NBEAL1: variants seen among roughly 807,000 people sequenced by gnomAD.
NBEAL1 encodes neurobeachin like 1, also known as neurobeachin-like protein 1.
A neutral mutation model predicts 351.3 loss-of-function variants in NBEAL1; 273 were observed. That is an observed-to-expected ratio of 0.78 (90% CI 0.70 to 0.86). NBEAL1 has a LOEUF of 0.86. NBEAL1 is among the 40% of genes least tolerant of loss of function. The pLI, the probability that NBEAL1 is intolerant of heterozygous loss-of-function variation, is 0.00. For missense variants in NBEAL1, 2,961 were observed against 3,201.3 expected (o/e 0.92, Z 1.81); for synonymous variants, 1,050 against 1,086.4 (o/e 0.97, Z 0.66).
intron 7 of NBEAL1, 22 bp from the exon 8 acceptor site, chr2:203,077,718 CTTATTTATTTAT>C (rs746378979): frequency 1.8e-6 from 2 of 1,139,798 alleles, no homozygotes; most frequent in African/African-American, 1.6e-5. Context: ...AAAGACAAAT[CTTATTTATTTAT>C]TTATTTATTT....
intron 6 of NBEAL1, among the ~76,000 whole-genome samples, chr2:203,066,248 A>G (rs569930768): frequency 6.6e-6 from 1 of 152,242 alleles, no homozygotes; most frequent in South Asian, 2.1e-4. Context: ...TATTAATACC[A>G]TAATTTTTAA....
chr2:203,178,294 A>T (rs2064586214), intron 42 of NBEAL1, among the ~76,000 whole-genome samples: 1 of 151,348 alleles, frequency 6.6e-6, no homozygotes, highest in Non-Finnish European at 1.5e-5. Context: ...CCTCCAAAGT[A>T]GCTGGGATTC....
At chr2:203,127,602 A>T (rs1478194180) in intron 23 of NBEAL1, among the ~76,000 whole-genome samples, 179 bp from the exon 24 acceptor site, 2 of 152,066 alleles carry the variant, frequency 1.3e-5, no homozygotes, top group African/African-American at 4.8e-5. Flanking sequence ...TGTGCCTGTA[A>T]TCCCAGCTAC....
intron 52 of NBEAL1, among the ~76,000 whole-genome samples, 196 bp downstream of exon 52, chr2:203,208,949 T>C (rs1266432780): frequency 6.6e-6 from 1 of 152,190 alleles, no homozygotes; most frequent in Non-Finnish European, 1.5e-5. Context: ...TTTTATTCGT[T>C]TTATTATTTA....
At position 203,213,434 on chromosome 2, in the gene NBEAL1, A is replaced by G. The variant is rs557874788; in HGVS notation, c.7935-84A>G. ...AATTAGAATGCAGAACTAGATGAGC[A>G]TTAATTTATTTTCCAGATATAAAAT... is the stretch of plus-strand genomic sequence containing the variant. On this transcript the variant is annotated intron_variant, in intron 54 of 55. Transcript: ENST00000683969. The G allele has an allele frequency of 1.0e-4, 127 of 1,267,984 alleles. No homozygotes were observed. The African/African-American group carries it at 1.7e-3, about 17-fold the overall frequency. The allele number at this position is 1,267,984 out of a possible 1,614,324, so 78.5% of individuals were successfully genotyped here.
intron 33 of NBEAL1, among the ~76,000 whole-genome samples, chr2:203,146,824 A>C (rs1340590740): frequency 1.3e-5 from 2 of 152,184 alleles, no homozygotes; most frequent in Non-Finnish European, 2.9e-5. Context: ...ATAATAATAT[A>C]TGACACAACA....
rs976341158 is a variant in NBEAL1, at chr2:203,211,035, T to C, written c.7863T>C (p.Asp2621=). Residue 2621 remains aspartate (D), a synonymous_variant, in exon 54 of 56, where the codon GAT becomes GAC. Transcript: ENST00000683969. Reference sequence around the variant, plus strand: ...AAATCCTGAAGGAACAAGTATCAGATATATGTATAATCGGAGAACACATTG... The same window carrying C: ...AAATCCTGAAGGAACAAGTATCAGACATATGTATAATCGGAGAACACATTG... The part of the protein sequence containing the change: ...GSQILKEQVS[D]ICIIGEHIVT... 6.2e-7 allele frequency: 1 copy of C among 1,607,674 alleles called. No individual in the cohort carries two copies. The highest frequency in any genetic ancestry group is 1.3e-5 in the African/African-American group (1 of 74,818).
intron 46 of NBEAL1, among the ~76,000 whole-genome samples, chr2:203,192,814 T>C (rs1361186821): frequency 6.6e-6 from 1 of 152,186 alleles, no homozygotes; most frequent in East Asian, 1.9e-4. Context: ...CTTTGAAATG[T>C]TCATTTTACT....
At chr2:203,038,740 C>T (rs1044855387) in intron 2 of NBEAL1, among the ~76,000 whole-genome samples, 6 of 148,882 alleles carry the variant, frequency 4.0e-5, no homozygotes, top group Non-Finnish European at 9.0e-5. Flanking sequence ...CTCAGTGGCA[C>T]GATCACAGCT....
At position 203,127,812 on chromosome 2, in the gene NBEAL1, GA is replaced by G; in HGVS notation, c.3281del (p.Asp1094ValfsTer6). 6.6e-7 allele frequency: 1 copy of G among 1,518,622 alleles called. No homozygotes were observed. 94.1% of individuals were successfully genotyped at this position (1,518,622 alleles called of 1,614,324 possible). On this transcript the variant is annotated frameshift_variant, in exon 24 of 56. Coordinates refer to ENST00000683969, the MANE Select transcript of NBEAL1 (RefSeq NM_001378026.1). LOFTEE classifies it high-confidence loss of function. Reference sequence around the variant, plus strand: ...TTGTAAATATAATGAACTATCTCTAGATGATATTCGAACAATAAGGACTTCT... The same window carrying G: ...TTGTAAATATAATGAACTATCTCTAGTGATATTCGAACAATAAGGACTTCT... Reference protein sequence around the residue: ...NGCKYNELSLDDIRTIRTSLY... With the variant: ...NGCKYNELSLXDIRTIRTSLY...
At chr2:203,174,216 C>CAAAAAAAA (rs10652390) in intron 41 of NBEAL1, among the ~76,000 whole-genome samples, 42 of 24,604 alleles carry the variant, frequency 1.7e-3, no homozygotes, top group Non-Finnish European at 2.1e-3. Flanking sequence ...TTTATACTAG[C>CAAAAAAAA]AAAAAAAAAA....
At position 203,063,588 on chromosome 2, in the gene NBEAL1, GA is replaced by G. The variant is rs561021390; in HGVS notation, c.516-4798del. Among the ~76,000 whole-genome samples the G allele has an allele frequency of 1.1e-4, 17 of 151,170 alleles. 1 individual carries two copies. The East Asian group carries it at 1.6e-3, about 14-fold the overall frequency. On this transcript the variant is annotated intron_variant, in intron 6 of 55. Coordinates refer to ENST00000683969, the MANE Select transcript of NBEAL1 (RefSeq NM_001378026.1). Reference sequence around the variant, plus strand: ...AAAGGAAGAAAAGAAGAGGAGAAAAGAAAAAAAGAAATCTTCCTTCAATATG... The same window carrying G: ...AAAGGAAGAAAAGAAGAGGAGAAAAGAAAAAAGAAATCTTCCTTCAATATG...
intron 33 of NBEAL1, among the ~76,000 whole-genome samples, chr2:203,146,315 T>C (rs2063513171): frequency 6.6e-6 from 1 of 152,152 alleles, no homozygotes; most frequent in South Asian, 2.1e-4. Flanking sequence ...ACCACACATT[T>C]AATGGAGAAA....
At position 203,144,619 on chromosome 2, in the gene NBEAL1, C is replaced by G. The variant is rs2063462319; in HGVS notation, c.4868C>G (p.Ala1623Gly). The stretch of plus-strand genomic sequence containing the variant: ...CTCCAGGTTTGTGCAATGGCATCAG[C>G]TAAGCTAAATACCCTTCTTCAGACC... ...GNLQVCAMAS[A>G]KLNTLLQTKV... is the part of the protein sequence containing the mutation. Residue 1623 changes from alanine to glycine, a missense_variant, in exon 32 of 56, where the codon GCT becomes GGT. Coordinates refer to ENST00000683969, the MANE Select transcript of NBEAL1 (RefSeq NM_001378026.1). 1 of 1,612,740 alleles carries G rather than the reference C, an allele frequency of 6.2e-7. No individual in the cohort carries two copies. The highest frequency in any genetic ancestry group is 1.1e-5 in the South Asian group (1 of 90,868).
Position 203,110,714 on chromosome 2 carries a change from T to TAA in NBEAL1, c.2082+433_2082+434insAA, listed in dbSNP as rs1231209235. Among the ~76,000 whole-genome samples the TAA allele has an allele frequency of 3.6e-3, 538 of 147,796 alleles. 1 individual carries two copies. The highest frequency in any genetic ancestry group is 0.011 in the East Asian group (55 of 5,088). On this transcript the variant is annotated intron_variant, in intron 15 of 55. Transcript: ENST00000683969. ...ATAAATAAATAAATAAATAAATAAATATATAGAACGTTAGGATGTCTTAAG... is the reference window on the plus strand; with the variant it reads ...ATAAATAAATAAATAAATAAATAAATAAATATAGAACGTTAGGATGTCTTAAG...
chr2:203,162,957 C>G (rs1376401797), intron 36 of NBEAL1, among the ~76,000 whole-genome samples: 1 of 152,162 alleles, frequency 6.6e-6, no homozygotes, highest in Non-Finnish European at 1.5e-5. Context: ...AGTTTTGAGT[C>G]TGGCCAACAT....
chr2:203,119,169 ATTT>A (rs893486620), intron 18 of NBEAL1, among the ~76,000 whole-genome samples: 1 of 141,766 alleles, frequency 7.1e-6, no homozygotes, highest in Non-Finnish European at 1.5e-5. Context: ...GTTGGATTCT[ATTT>A]TTTTTTTTTT....
Position 203,224,955 on chromosome 2 carries a change from T to G in NBEAL1, c.*7601T>G, listed in dbSNP as rs769279494. ...AAATTAAATATATAAGATGTATGTTTTGTTTTATTACATTAAGTGCTATTT... is the reference window on the plus strand; with the variant it reads ...AAATTAAATATATAAGATGTATGTTGTGTTTTATTACATTAAGTGCTATTT... On this transcript the variant is annotated 3_prime_UTR_variant, in exon 56 of 56. Coordinates refer to ENST00000683969, the MANE Select transcript of NBEAL1 (RefSeq NM_001378026.1). 5.3e-5 allele frequency among the ~76,000 whole-genome samples: 8 copies of G among 152,196 alleles called. No individual in the cohort carries two copies. Among genetic ancestry groups the G allele is most frequent in the Non-Finnish European group, 1.2e-4 (8 of 68,008 alleles).
intron 54 of NBEAL1, among the ~76,000 whole-genome samples, chr2:203,213,138 G>T (rs1246210378): frequency 6.6e-6 from 1 of 152,116 alleles, no homozygotes; most frequent in East Asian, 1.9e-4. Context: ...TTAGATAAAT[G>T]ATGAATGTAA....
Sources: allele counts gnomAD v4.1 joint callset (sites outside exome capture counted in the v4.1 genomes callset), GRCh38; gene constraint gnomAD v4.1.1; transcripts MANE v1.5; gene names NCBI Gene and HGNC (gene_info 2026-07-23, HGNC 2026-07-21).